The following ERLIN2 variants were observed in gnomAD, a reference collection of about 807,000 sequenced individuals.
The protein encoded by ERLIN2 is ER lipid raft associated 2, also known as erlin-2.
In ERLIN2, 22 loss-of-function variants were observed where a neutral mutation model predicts 41.5. The ratio of observed to expected loss-of-function variants is 0.53; its 90% confidence interval spans 0.38 to 0.76. ERLIN2 has a LOEUF of 0.76. Ranked by LOEUF, ERLIN2 falls within the 30% of genes least tolerant of loss-of-function variation. The pLI, the probability that ERLIN2 is intolerant of heterozygous loss-of-function variation, is 0.00. For missense variants in ERLIN2, 247 were observed against 414.3 expected, an observed-to-expected ratio of 0.60 and a Z score of 3.51; for synonymous variants, 149 against 150.9, an observed-to-expected ratio of 0.99 and a Z score of 0.09.
chr8:37,740,318 C>A (rs761030298), intron 2 of ERLIN2, 47 bp from the exon 3 acceptor site: 3 of 1,340,716 alleles, frequency 2.2e-6, no homozygotes, highest in Non-Finnish European at 3.2e-6. Context: ...TCTAACAGAG[C>A]CTTCTTGCCA....
At position 37,757,716 on chromosome 8, in the gene ERLIN2, A is replaced by G. The variant is rs1488875875; in HGVS notation, c.*3601A>G. The G allele has an allele frequency of 6.6e-6, 1 of 152,236 alleles. No individual in the cohort carries two copies. The highest frequency in any genetic ancestry group is 1.5e-5 in the Non-Finnish European group (1 of 68,040). 9.4% of individuals were successfully genotyped at this position (152,236 alleles called of 1,614,324 possible). ...ATTTAGCAATAGTTAATATTAGGTGACATAAATAAAACATCCCAGACTAGT... is the reference window on the plus strand; with the variant it reads ...ATTTAGCAATAGTTAATATTAGGTGGCATAAATAAAACATCCCAGACTAGT... On this transcript the variant is annotated 3_prime_UTR_variant, in exon 12 of 12. Coordinates refer to ENST00000519638, the MANE Select transcript of ERLIN2 (RefSeq NM_007175.8).
chr8:37,744,559 C>A lies in ERLIN2; in HGVS notation c.299-12C>A. On this transcript the variant is annotated splice_polypyrimidine_tract_variant and intron_variant, in intron 5 of 11. Transcript: ENST00000519638. ...GCCTTTTCTTATGCCAAGCCCTCTC[C>A]TTCCCTCTCAGTGTATGATATAGTG... 6.2e-7 allele frequency: 1 copy of A among 1,614,150 alleles called. No homozygotes were observed. Among genetic ancestry groups the A allele is most frequent in the South Asian group, 1.1e-5 (1 of 91,076 alleles).
chr8:37,754,371 C>A lies in ERLIN2; in HGVS notation c.*256C>A. 1 of 479,822 alleles carries A rather than the reference C, an allele frequency of 2.1e-6. No homozygotes were observed. Among genetic ancestry groups the A allele is most frequent in the Non-Finnish European group, 3.8e-6 (1 of 262,736 alleles). The allele number at this position is 479,822 out of a possible 1,614,324, so 29.7% of individuals were successfully genotyped here. A position where few individuals can be genotyped will look rare whatever the true frequency, so the allele number is the denominator to read the frequency against. ...AAATCATGGGCTTGACCTTTGACCT[C>A]TAGACACTAATTTTATCCTTTGAGG... On this transcript the variant is annotated 3_prime_UTR_variant, in exon 12 of 12. Coordinates refer to ENST00000519638, the MANE Select transcript of ERLIN2 (RefSeq NM_007175.8).
intron 6 of ERLIN2, chr8:37,746,062 C>T (rs1803036590): frequency 2.0e-6 from 2 of 997,880 alleles, no homozygotes; most frequent in Non-Finnish European, 2.4e-6. Flanking sequence ...AGTACAGCTG[C>T]TTGTATGGAG....
At chr8:37,753,559 G>T in intron 11 of ERLIN2, 30 bp downstream of exon 11, 1 of 1,597,898 alleles carries the variant, frequency 6.3e-7, no homozygotes, top group Non-Finnish European at 8.6e-7. Context: ...TGATAAAAAG[G>T]AGTCTTTGGG....
chr8:37,750,537 G>A (rs1202853031), intron 9 of ERLIN2, 51 bp downstream of exon 9: 1 of 1,506,692 alleles, frequency 6.6e-7, no homozygotes, highest in South Asian at 1.1e-5. Flanking sequence ...GGCTGGGGGT[G>A]GTGGGAAGAT....
chr8:37,751,541 C>A, intron 9 of ERLIN2, 85 bp from the exon 10 acceptor site: 1 of 1,186,798 alleles, frequency 8.4e-7, no homozygotes, highest in Non-Finnish European at 1.2e-6. Context: ...CAAGCTGGCC[C>A]ACCAGGACAC....
Position 37,754,284 on chromosome 8 carries a change from G to C in ERLIN2, c.*169G>C. On this transcript the variant is annotated 3_prime_UTR_variant, in exon 12 of 12. Transcript: ENST00000519638. ...TCCCTTTCTAGGGAAAGGAGGGTGGGGACTGATGATGGGGGGTTTTATTTC... is the reference window on the plus strand; with the variant it reads ...TCCCTTTCTAGGGAAAGGAGGGTGGCGACTGATGATGGGGGGTTTTATTTC... 1.5e-6 allele frequency: 1 copy of C among 667,706 alleles called. No homozygotes were observed. The highest frequency in any genetic ancestry group is 1.7e-5 in the South Asian group (1 of 59,770). 41.4% of individuals were successfully genotyped at this position (667,706 alleles called of 1,614,324 possible). A position where few individuals can be genotyped will look rare whatever the true frequency, so the allele number is the denominator to read the frequency against.
At chr8:37,749,419 A>G in intron 6 of ERLIN2, 140 bp from the exon 7 acceptor site, 1 of 721,098 alleles carries the variant, frequency 1.4e-6, no homozygotes, top group South Asian at 1.5e-5. Context: ...GGATCTTTAG[A>G]TTTGTGGGCT....
intron 8 of ERLIN2, 187 bp from the exon 9 acceptor site, chr8:37,750,208 A>C (rs754412269): frequency 3.7e-5 from 24 of 643,388 alleles, no homozygotes; most frequent in Non-Finnish European, 6.6e-5. Context: ...CAAATGAGTT[A>C]CTTGGGAGGA....
rs1206621619 is a variant in ERLIN2, at chr8:37,754,052, A to G, written c.957A>G (p.Leu319=). The change falls in exon 12 of 12, where the codon CTA becomes CTG. Residue 319 remains leucine (L), a synonymous_variant. Coordinates refer to ENST00000519638, the MANE Select transcript of ERLIN2 (RefSeq NM_007175.8). ...AGSVSKQFEG[L]ADKLSFGLED... The stretch of plus-strand genomic sequence containing the variant: ...GTGTGAGCAAGCAGTTTGAGGGGCT[A>G]GCTGACAAGCTAAGCTTTGGCTTAG... 1 of 1,614,076 alleles carries G rather than the reference A, an allele frequency of 6.2e-7. No individual in the cohort carries two copies. The highest frequency in any genetic ancestry group is 1.7e-5 in the Admixed American group (1 of 60,006).
chr8:37,740,077 G>T (rs1335706549), intron 2 of ERLIN2, among the ~76,000 whole-genome samples: 1 of 152,124 alleles, frequency 6.6e-6, no homozygotes, highest in Non-Finnish European at 1.5e-5. Context: ...GCCCCGCAAA[G>T]CGCTGGGACT....
In ERLIN2 at chr8:37,757,570, G is replaced by T. The variant is rs530204704; in HGVS notation, c.*3455G>T. 6.6e-6 allele frequency: 1 copy of T among 152,162 alleles called. No individual in the cohort carries two copies. The highest frequency in any genetic ancestry group is 1.5e-5 in the Non-Finnish European group (1 of 68,018). The allele number at this position is 152,162 out of a possible 1,614,324, so 9.4% of individuals were successfully genotyped here. On this transcript the variant is annotated 3_prime_UTR_variant, in exon 12 of 12. Transcript: ENST00000519638. ...AAATGATACTGCTGGATTGATTGCCGTGGGTTGATAGCTGGAGGAATTGTT... is the reference window on the plus strand; with the variant it reads ...AAATGATACTGCTGGATTGATTGCCTTGGGTTGATAGCTGGAGGAATTGTT...
Position 37,736,684 on chromosome 8 carries a change from C to T in ERLIN2, c.-16+6C>T. 1.0e-6 allele frequency: 1 copy of T among 985,620 alleles called. No homozygotes were observed. The highest frequency in any genetic ancestry group is 1.2e-6 in the Non-Finnish European group (1 of 830,048). The allele number at this position is 985,620 out of a possible 1,614,324, so 61.1% of individuals were successfully genotyped here. A position where few individuals can be genotyped will look rare whatever the true frequency, so the allele number is the denominator to read the frequency against. ...GCGCCTGCAGGGACAGCCTGGTACG[C>T]GGCCCCCGCCCCTTCGTGCGCGCGC... On this transcript the variant is annotated splice_donor_region_variant and intron_variant, in intron 1 of 11. Transcript: ENST00000519638.
At chr8:37,750,611 G>A in intron 9 of ERLIN2, 125 bp downstream of exon 9, 1 of 795,542 alleles carries the variant, frequency 1.3e-6, no homozygotes, top group South Asian at 1.4e-5. Context: ...GCACAGGAGT[G>A]GCAGGTGGAC....
intron 9 of ERLIN2, among the ~76,000 whole-genome samples, 159 bp from the exon 10 acceptor site, chr8:37,751,467 C>G (rs1441287092): frequency 1.3e-5 from 2 of 152,234 alleles, no homozygotes; most frequent in Non-Finnish European, 2.9e-5. Context: ...GGGGACTGTG[C>G]TCACTGGCAT....
chr8:37,747,955 C>T (rs774394177), intron 6 of ERLIN2: 19 of 1,614,094 alleles, frequency 1.2e-5, no homozygotes, highest in East Asian at 4.5e-5. Context: ...ATATTCCTCC[C>T]GGTCCCGAGT....
intron 6 of ERLIN2, chr8:37,745,565 C>G (rs1216528553): frequency 1.2e-6 from 2 of 1,613,710 alleles, no homozygotes; most frequent in African/African-American, 1.3e-5. Flanking sequence ...GTTCTTGACA[C>G]TAGGACTGGA....
intron 6 of ERLIN2, among the ~76,000 whole-genome samples, chr8:37,748,162 C>T (rs1426882098): frequency 2.6e-5 from 4 of 152,210 alleles, no homozygotes; most frequent in Non-Finnish European, 5.9e-5. Flanking sequence ...ATCAATATTA[C>T]TAAAACAACT....
Sources: gnomAD v4.1 joint callset for allele counts (sites outside exome capture counted in the v4.1 genomes callset) on GRCh38, gnomAD v4.1.1 for gene constraint, MANE v1.5 for transcripts, NCBI Gene and HGNC (gene_info 2026-07-23, HGNC 2026-07-21) for gene names.